The following SLIT2 variants were observed in gnomAD, a reference collection of about 807,000 sequenced individuals.
The protein encoded by SLIT2 is slit guidance ligand 2, also known as slit homolog 2 protein.
A neutral mutation model predicts 185.7 loss-of-function variants in SLIT2; 41 were observed. The observed-to-expected ratio is 0.22, with a 90% confidence interval of 0.17 to 0.29. SLIT2 has a LOEUF of 0.29. Among genes scored for constraint, SLIT2 ranks in the 10% least tolerant of loss-of-function variants. The pLI is 1.00. For synonymous variants in SLIT2, 693 were observed against 680.2 expected, an observed-to-expected ratio of 1.02 and a Z score of -0.29; for missense variants, 1,571 against 1,909.0, an observed-to-expected ratio of 0.82 and a Z score of 3.30.
chr4:20,553,359 G>A (rs1424953863), intron 25 of SLIT2, among the ~76,000 whole-genome samples: 1 of 152,118 alleles, frequency 6.6e-6, no homozygotes, highest in Non-Finnish European at 1.5e-5. Context: ...ATATCCCAAT[G>A]CTAATGCTAA....
intron 4 of SLIT2, among the ~76,000 whole-genome samples, chr4:20,299,759 C>T (rs2109102894): frequency 6.6e-6 from 1 of 151,798 alleles, no homozygotes. Context: ...TTGAGATTTC[C>T]TGGCATTATT....
In SLIT2 at chr4:20,500,913, A is replaced by G. The variant is rs550198598; in HGVS notation, c.914+9014A>G. ...ACTAGTTTTTCCTCTATCAAATACA[A>G]CTTGCCTAGAAATGTCATTAAATAA... On this transcript the variant is annotated intron_variant, in intron 9 of 36. Coordinates refer to ENST00000504154, the MANE Select transcript of SLIT2 (RefSeq NM_004787.4). 3.3e-5 allele frequency among the ~76,000 whole-genome samples: 5 copies of G among 152,292 alleles called. No individual in the cohort carries two copies. In the South Asian group the frequency reaches 6.2e-4, roughly 19 times the overall value.
intron 2 of SLIT2, among the ~76,000 whole-genome samples, chr4:20,257,504 A>G (rs1311037853): frequency 6.6e-6 from 1 of 152,042 alleles, no homozygotes; most frequent in Non-Finnish European, 1.5e-5. Context: ...TGAAGTATGT[A>G]TATGATGAAT....
In SLIT2 at chr4:20,252,127, G is replaced by T. The variant is rs548390724; in HGVS notation, c.-1689G>T. Among the ~76,000 whole-genome samples, 1 of 152,030 alleles carries T rather than the reference G, an allele frequency of 6.6e-6. No individual in the cohort carries two copies. Among genetic ancestry groups the T allele is most frequent in the African/African-American group, 2.4e-5 (1 of 41,408 alleles). ...AGTGCTGAGCAGAAAGGGGAGCGCC[G>T]GGGGCCCGCAGCCGGCTCCGGAGGC... On this transcript the variant is annotated 5_prime_UTR_variant, in exon 1 of 37. Coordinates refer to ENST00000504154, the MANE Select transcript of SLIT2 (RefSeq NM_004787.4).
At chr4:20,365,501 T>TA (rs1360746293) in intron 4 of SLIT2, among the ~76,000 whole-genome samples, 3 of 152,214 alleles carry the variant, frequency 2.0e-5, no homozygotes, top group East Asian at 3.9e-4. Flanking sequence ...GGGGCGTGAG[T>TA]AACGGGCTGT....
At chr4:20,615,816 C>T (rs1020645224) in intron 34 of SLIT2, 5 of 152,260 alleles carry the variant, frequency 3.3e-5, no homozygotes, top group Non-Finnish European at 7.3e-5. Flanking sequence ...TCTTCCTCAG[C>T]CTAGAACTTC....
In SLIT2 at chr4:20,273,109, T is replaced by A. The variant is rs192590712; in HGVS notation, c.395+4228T>A. Among the ~76,000 whole-genome samples, 997 of 152,226 alleles carry A rather than the reference T, an allele frequency of 6.5e-3. 17 individuals carry two copies. The highest frequency in any genetic ancestry group is 0.023 in the African/African-American group (951 of 41,552). On this transcript the variant is annotated intron_variant, in intron 4 of 36. Transcript: ENST00000504154. ...GAAAACTTAATTTTTTTTATTAAGG[T>A]AATCAATTAATTTGTTCAGCATAAC...
intron 4 of SLIT2, among the ~76,000 whole-genome samples, chr4:20,409,415 G>A (rs899808394): frequency 2.6e-5 from 4 of 152,160 alleles, no homozygotes; most frequent in African/African-American, 9.7e-5. Flanking sequence ...TCCCTTTTAT[G>A]ACTGCATAGT....
rs1171693615 is a variant in SLIT2 at position 20,267,369 on chromosome 4, C to CT, written c.324-1433dup. Among the ~76,000 whole-genome samples the CT allele has an allele frequency of 2.2e-4, 33 of 151,576 alleles. 1 individual carries two copies. Among genetic ancestry groups the CT allele is most frequent in the South Asian group, 2.1e-4 (1 of 4,812 alleles). ...ATTTGCCTCTACTTGTCTTGGCATACTTTTTTTTATTAGTATGCATTTTAT... is the reference window on the plus strand; with the variant it reads ...ATTTGCCTCTACTTGTCTTGGCATACTTTTTTTTTATTAGTATGCATTTTAT... On this transcript the variant is annotated intron_variant, in intron 3 of 36. Coordinates refer to ENST00000504154, the MANE Select transcript of SLIT2 (RefSeq NM_004787.4).
Position 20,578,589 on chromosome 4 carries a change from G to A in SLIT2, c.3088+9585G>A, listed in dbSNP as rs936673302. On this transcript the variant is annotated intron_variant, in intron 29 of 36. Transcript: ENST00000504154. Reference sequence around the variant, plus strand: ...CTCCAGTACCCTCGCCACCTCTTTCGTACATCTATGATATCCAGAATGGAC... The same window carrying A: ...CTCCAGTACCCTCGCCACCTCTTTCATACATCTATGATATCCAGAATGGAC... Among the ~76,000 whole-genome samples, 14 of 152,086 alleles carry A rather than the reference G, an allele frequency of 9.2e-5. No homozygotes were observed. The East Asian group carries it at 9.6e-4, about 10-fold the overall frequency.
At chr4:20,313,258 C>G (rs1447402329) in intron 4 of SLIT2, among the ~76,000 whole-genome samples, 2 of 152,162 alleles carry the variant, frequency 1.3e-5, no homozygotes, top group African/African-American at 4.8e-5. Flanking sequence ...TTTGGTGAGG[C>G]CTCAGGAAGC....
chr4:20,410,964 G>A (rs1368583133), intron 4 of SLIT2, among the ~76,000 whole-genome samples: 1 of 152,122 alleles, frequency 6.6e-6, no homozygotes, highest in East Asian at 1.9e-4. Context: ...GTCAATGGTA[G>A]TTTAATAGGA....
At chr4:20,573,336 G>T (rs1725782362) in intron 29 of SLIT2, 5 of 701,148 alleles carry the variant, frequency 7.1e-6, no homozygotes, top group Non-Finnish European at 1.3e-5. Flanking sequence ...AGATTTCACT[G>T]CGGGTACACA....
At chr4:20,311,242 G>C (rs1223655547) in intron 4 of SLIT2, among the ~76,000 whole-genome samples, 1 of 152,178 alleles carries the variant, frequency 6.6e-6, no homozygotes, top group Non-Finnish European at 1.5e-5. Context: ...GTATGTGTGG[G>C]AAAAGTTGGG....
chr4:20,554,463 G>C, intron 26 of SLIT2: 1 of 335,136 alleles, frequency 3.0e-6, no homozygotes, highest in South Asian at 2.3e-5. Flanking sequence ...TTTTCCCTTT[G>C]TTTGATGTAT....
At chr4:20,428,708 T>C (rs745536852) in intron 4 of SLIT2, among the ~76,000 whole-genome samples, 29 of 152,178 alleles carry the variant, frequency 1.9e-4, no homozygotes, top group Non-Finnish European at 3.8e-4. Flanking sequence ...TTCCACTGGG[T>C]TCCTGGCCTG....
intron 9 of SLIT2, among the ~76,000 whole-genome samples, chr4:20,505,222 G>T (rs1312959021): frequency 6.6e-6 from 1 of 151,836 alleles, no homozygotes; most frequent in East Asian, 1.9e-4. Flanking sequence ...CATTTTTCAG[G>T]AAGAGAAACT....
intron 4 of SLIT2, among the ~76,000 whole-genome samples, chr4:20,304,081 G>A (rs1239748427): frequency 6.6e-6 from 1 of 152,160 alleles, no homozygotes; most frequent in Non-Finnish European, 1.5e-5. Flanking sequence ...AGAGGCTTAT[G>A]TGATTTTCTC....
chr4:20,408,561 T>A (rs550998959), intron 4 of SLIT2, among the ~76,000 whole-genome samples: 16 of 152,284 alleles, frequency 1.1e-4, no homozygotes, highest in Admixed American at 7.8e-4. Flanking sequence ...TCAAAGAACC[T>A]TCGTTTTTTG....
Sources: gnomAD v4.1 joint callset for allele counts (sites outside exome capture counted in the v4.1 genomes callset) on GRCh38, gnomAD v4.1.1 for gene constraint, MANE v1.5 for transcripts, NCBI Gene and HGNC (gene_info 2026-07-23, HGNC 2026-07-21) for gene names.